Variants in EYS observed in about 807,000 individuals in gnomAD.
The protein encoded by EYS is EGF-like photoreceptor maintenance factor.
In EYS, 250 loss-of-function variants were observed where a neutral mutation model predicts 282.1. That is an observed-to-expected ratio of 0.89 (90% CI 0.80 to 0.98). EYS has a LOEUF of 0.98. EYS is among the 50% of genes least tolerant of loss of function. EYS has a pLI of 0.00. For missense variants in EYS, 4,016 were observed against 3,709.0 expected (o/e 1.08, Z -2.15); for synonymous variants, 1,355 against 1,282.9 (o/e 1.06, Z -1.20).
chr6:64,632,009 C>T (rs1466223011), intron 22 of EYS, among the ~76,000 whole-genome samples: 1 of 151,750 alleles, frequency 6.6e-6, no homozygotes, highest in East Asian at 1.9e-4. Context: ...ATTTGCTGGG[C>T]TTTGATAATA....
At chr6:65,006,511 A>AAG (rs1332149106) in intron 13 of EYS, among the ~76,000 whole-genome samples, 1 of 134,488 alleles carries the variant, frequency 7.4e-6, no homozygotes, top group Non-Finnish European at 1.6e-5. Flanking sequence ...GTCAAAAAAA[A>AAG]AAAAAAAAAA....
intron 1 of EYS, among the ~76,000 whole-genome samples, chr6:65,663,673 CTTTATTTA>C (rs560542517): frequency 6.6e-6 from 1 of 151,556 alleles, no homozygotes; most frequent in Non-Finnish European, 1.5e-5. Context: ...TAGATAAAAT[CTTTATTTA>C]TTTATTTATT....
At chr6:64,642,537 T>G (rs1207214941) in intron 22 of EYS, among the ~76,000 whole-genome samples, 1 of 152,228 alleles carries the variant, frequency 6.6e-6, no homozygotes, top group Non-Finnish European at 1.5e-5. Flanking sequence ...GCTGTGCTCT[T>G]GTCTCCATAT....
chr6:64,004,985 T>C (rs909857272), intron 33 of EYS, among the ~76,000 whole-genome samples: 1 of 152,180 alleles, frequency 6.6e-6, no homozygotes. Context: ...TATCCAATAA[T>C]GCGATTACTG....
In EYS at chr6:65,161,745, T is replaced by C. The variant is rs575002660; in HGVS notation, c.2024-104018A>G. ...ACTATATTCATTTACAAACAACTAA[T>C]AAGAATATGTATTGTGAAGCAATAT... On this transcript the variant is annotated intron_variant, in intron 12 of 42. Transcript: ENST00000503581. Among the ~76,000 whole-genome samples, 5 of 151,198 alleles carry C rather than the reference T, an allele frequency of 3.3e-5. No homozygotes were observed. In the South Asian group the frequency reaches 8.3e-4, roughly 25 times the overall value.
At chr6:64,266,808 T>C (rs541916164) in intron 30 of EYS, among the ~76,000 whole-genome samples, 2 of 152,168 alleles carry the variant, frequency 1.3e-5, no homozygotes, top group African/African-American at 4.8e-5. Context: ...GGCACTGGGG[T>C]GTTTGGTAAG....
chr6:63,760,654 ATCTATC>A (rs1562013366), intron 41 of EYS, among the ~76,000 whole-genome samples: 17 of 31,364 alleles, frequency 5.4e-4, no homozygotes, highest in African/African-American at 1.2e-3. Context: ...ATGTATATCT[ATCTATC>A]TATCTATCTA....
At chr6:64,388,911 C>T in intron 28 of EYS, 71 bp from the exon 29 acceptor site, 2 of 975,916 alleles carry the variant, frequency 2.0e-6, no homozygotes, top group Non-Finnish European at 2.8e-6. Flanking sequence ...ATTAATTAAA[C>T]TATTATCAAA....
At chr6:63,936,661 TG>T (rs1237516975) in intron 35 of EYS, among the ~76,000 whole-genome samples, 1 of 152,248 alleles carries the variant, frequency 6.6e-6, no homozygotes. Flanking sequence ...TCCATCTAAC[TG>T]GGAGCTTTTT....
chr6:64,201,718 G>A (rs1386498818), intron 31 of EYS, among the ~76,000 whole-genome samples: 1 of 152,120 alleles, frequency 6.6e-6, no homozygotes, highest in Non-Finnish European at 1.5e-5. Flanking sequence ...GGTTTTTAAA[G>A]TATTTTTAAT....
At chr6:65,633,039 T>C (rs553694148) in intron 2 of EYS, among the ~76,000 whole-genome samples, 23 of 152,320 alleles carry the variant, frequency 1.5e-4, no homozygotes, top group Admixed American at 1.4e-3. Context: ...TTTTTAATAG[T>C]AAATGAGAAG....
At chr6:64,168,970 T>C (rs1246688706) in intron 31 of EYS, among the ~76,000 whole-genome samples, 1 of 152,214 alleles carries the variant, frequency 6.6e-6, no homozygotes, top group Non-Finnish European at 1.5e-5. Flanking sequence ...TAGAACATGA[T>C]TCAGAGAATA....
chr6:65,203,080 C>A (rs1420765932), intron 12 of EYS, among the ~76,000 whole-genome samples: 1 of 152,112 alleles, frequency 6.6e-6, no homozygotes, highest in Non-Finnish European at 1.5e-5. Context: ...CTGCCCATCA[C>A]CAGAAATATC....
intron 22 of EYS, among the ~76,000 whole-genome samples, chr6:64,673,003 G>A (rs1013362375): frequency 1.3e-5 from 2 of 152,054 alleles, no homozygotes; most frequent in Non-Finnish European, 1.5e-5. Context: ...TTCAACTTCC[G>A]CATAACTTCT....
intron 5 of EYS, among the ~76,000 whole-genome samples, chr6:65,486,026 G>T (rs920077091): frequency 2.6e-5 from 4 of 152,086 alleles, no homozygotes; most frequent in African/African-American, 9.7e-5. Context: ...TGGTTCCTGT[G>T]GTGAAATTTT....
chr6:65,127,879 C>T (rs1021697812), intron 12 of EYS, among the ~76,000 whole-genome samples: 18 of 152,036 alleles, frequency 1.2e-4, no homozygotes, highest in African/African-American at 3.9e-4. Flanking sequence ...GCAGAACTTT[C>T]TCTATTTTAT....
chr6:64,796,093 G>A (rs979836329), intron 22 of EYS, among the ~76,000 whole-genome samples: 5 of 152,126 alleles, frequency 3.3e-5, no homozygotes, highest in African/African-American at 7.2e-5. Flanking sequence ...ATAAAAACGC[G>A]TACATCTGGA....
intron 1 of EYS, among the ~76,000 whole-genome samples, chr6:65,659,605 G>A (rs1343792262): frequency 6.6e-6 from 1 of 151,524 alleles, no homozygotes; most frequent in Non-Finnish European, 1.5e-5. Flanking sequence ...GAATCACGAG[G>A]AGAACTGGAA....
At chr6:64,892,520 T>C (rs1193878132) in intron 18 of EYS, among the ~76,000 whole-genome samples, 2 of 152,080 alleles carry the variant, frequency 1.3e-5, no homozygotes, top group Non-Finnish European at 2.9e-5. Context: ...TGAAAGAATT[T>C]ATAATGTATT....
Sources: allele counts gnomAD v4.1 joint callset (sites outside exome capture counted in the v4.1 genomes callset), GRCh38; gene constraint gnomAD v4.1.1; transcripts MANE v1.5; gene names NCBI Gene and HGNC (gene_info 2026-07-23, HGNC 2026-07-21).